THADA: variants seen among roughly 807,000 people sequenced by gnomAD.
THADA encodes THADA armadillo repeat containing, also known as tRNA (32-2'-O)-methyltransferase regulator THADA.
A neutral mutation model predicts 219.8 loss-of-function variants in THADA; 213 were observed. That is an observed-to-expected ratio of 0.97 (90% CI 0.87 to 1.09). The LOEUF is 1.09. THADA is among the 50% of genes least tolerant of loss of function. The pLI is 0.00. For synonymous variants in THADA, 1,018 were observed against 828.9 expected (o/e 1.23, Z -3.92); for missense variants, 2,956 against 2,311.3 (o/e 1.28, Z -5.72).
At chr2:43,545,497 C>A (rs1574185702) in intron 20 of THADA, among the ~76,000 whole-genome samples, 1 of 152,138 alleles carries the variant, frequency 6.6e-6, no homozygotes, top group Non-Finnish European at 1.5e-5. Context: ...GTGAATCCAT[C>A]TGGTCCTGGA....
intron 22 of THADA, among the ~76,000 whole-genome samples, chr2:43,511,972 C>T (rs909811644): frequency 3.3e-5 from 5 of 152,134 alleles, no homozygotes; most frequent in Non-Finnish European, 7.4e-5. Flanking sequence ...AGGCAATTCC[C>T]TAATTTAAAC....
intron 36 of THADA, among the ~76,000 whole-genome samples, chr2:43,268,298 A>G (rs1381974178): frequency 6.6e-6 from 1 of 152,196 alleles, no homozygotes; most frequent in Non-Finnish European, 1.5e-5. Context: ...TCATACAGAC[A>G]TTCACATCCA....
Position 43,541,222 on chromosome 2 carries a change from C to G in THADA, c.3201G>C (p.Leu1067Phe). The change falls in exon 21 of 38, where the codon TTG becomes TTC. Residue 1067 changes from leucine (L) to phenylalanine (F), a missense_variant. Leu to Phe is a conservative substitution (Grantham distance 22, BLOSUM62 0). Transcript: ENST00000405975. ...MKEVALLLGM[L>F]CQLLPMQPVP... ...CAGGCTGCATGGGCAGAAGCTGGCACAACATGCCTAAAAGTAAAGCAACTT... is the reference window on the plus strand; with the variant it reads ...CAGGCTGCATGGGCAGAAGCTGGCAGAACATGCCTAAAAGTAAAGCAACTT... 1 of 1,611,492 alleles carries G rather than the reference C, an allele frequency of 6.2e-7. No individual in the cohort carries two copies. The highest frequency in any genetic ancestry group is 8.5e-7 in the Non-Finnish European group (1 of 1,179,002).
At chr2:43,249,141 G>A (rs1399020732) in intron 36 of THADA, among the ~76,000 whole-genome samples, 1 of 151,900 alleles carries the variant, frequency 6.6e-6, no homozygotes, top group Non-Finnish European at 1.5e-5. Flanking sequence ...TGGGTGGAGT[G>A]CAGTGGTGCA....
chr2:43,520,711 TATACACACAC>T (rs1474436880), intron 22 of THADA, among the ~76,000 whole-genome samples: 1 of 131,366 alleles, frequency 7.6e-6, no homozygotes, highest in Non-Finnish European at 1.6e-5. Context: ...CGTATATATA[TATACACACAC>T]ACACACACAC....
intron 29 of THADA, among the ~76,000 whole-genome samples, chr2:43,382,431 T>C (rs1426027619): frequency 6.6e-6 from 1 of 152,190 alleles, no homozygotes; most frequent in Admixed American, 6.5e-5. Context: ...TCAGATTGCA[T>C]ACTGAAACAA....
chr2:43,493,044 G>C (rs1316799785), intron 25 of THADA, among the ~76,000 whole-genome samples: 1 of 152,160 alleles, frequency 6.6e-6, no homozygotes, highest in Non-Finnish European at 1.5e-5. Flanking sequence ...ATAATTATCA[G>C]AGGGCCTGGA....
At chr2:43,378,545 ACAAT>A (rs1487527943) in intron 29 of THADA, among the ~76,000 whole-genome samples, 7 of 152,254 alleles carry the variant, frequency 4.6e-5, no homozygotes, top group African/African-American at 1.7e-4. Flanking sequence ...CAAAGGAATG[ACAAT>A]CAAACTGATG....
intron 21 of THADA, among the ~76,000 whole-genome samples, chr2:43,531,646 A>C (rs540102954): frequency 2.6e-4 from 39 of 152,272 alleles, no homozygotes; most frequent in African/African-American, 9.1e-4. Context: ...CAAAATCAGA[A>C]ACAATTTCAA....
intron 36 of THADA, among the ~76,000 whole-genome samples, chr2:43,262,679 A>G (rs1240101333): frequency 6.6e-6 from 1 of 152,188 alleles, no homozygotes; most frequent in Non-Finnish European, 1.5e-5. Flanking sequence ...TTTCTATTTC[A>G]GTTATATTAG....
At chr2:43,475,153 A>C (rs1467737993) in intron 26 of THADA, among the ~76,000 whole-genome samples, 1 of 152,174 alleles carries the variant, frequency 6.6e-6, no homozygotes, top group Non-Finnish European at 1.5e-5. Flanking sequence ...ATGGTGGCTC[A>C]CACCTGTAAT....
At chr2:43,475,811 T>C (rs1461003460) in intron 26 of THADA, among the ~76,000 whole-genome samples, 1 of 152,216 alleles carries the variant, frequency 6.6e-6, no homozygotes, top group East Asian at 1.9e-4. Context: ...TTCACATCTT[T>C]TAATAATTAC....
intron 29 of THADA, among the ~76,000 whole-genome samples, chr2:43,357,912 A>T (rs976104793): frequency 6.6e-6 from 1 of 152,196 alleles, no homozygotes; most frequent in African/African-American, 2.4e-5. Flanking sequence ...ATTTTTTTCA[A>T]GTTTTGAAAT....
intron 36 of THADA, among the ~76,000 whole-genome samples, chr2:43,248,164 TAGAGAGAGAGAGAGAG>T (rs70963389): frequency 1.7e-3 from 69 of 40,888 alleles, no homozygotes; most frequent in African/African-American, 4.0e-3. Context: ...TATATATATA[TAGAGAGAGAGAGAGAG>T]AGAGAGAGAG....
chr2:43,422,987 CA>C (rs1291939520), intron 28 of THADA, among the ~76,000 whole-genome samples: 4 of 152,198 alleles, frequency 2.6e-5, no homozygotes, highest in African/African-American at 9.7e-5. Context: ...ATCAGACATA[CA>C]AAATGATGAC....
chr2:43,409,934 T>C (rs1043735683), intron 28 of THADA, among the ~76,000 whole-genome samples: 3 of 151,864 alleles, frequency 2.0e-5, no homozygotes, highest in Admixed American at 6.6e-5. Flanking sequence ...GGAGGATTGC[T>C]TGAGCCTAGG....
In THADA at chr2:43,232,863, C is replaced by A. The variant is rs1326322200; in HGVS notation, c.5316G>T (p.Val1772=). 2 of 1,610,596 alleles carry A rather than the reference C, an allele frequency of 1.2e-6. No homozygotes were observed. The highest frequency in any genetic ancestry group is 1.7e-5 in the Admixed American group (1 of 59,412). ...CCAGGGCCAGAGCGATGGAGGCATC[C>A]ACCTGGCAGAAGGCAAACTCTGCAA... ...CQSTEFAFCQ[V]DASIALALAL... is the part of the protein sequence containing the mutation. Residue 1772 remains valine (V), a synonymous_variant, in exon 37 of 38, where the codon GTG becomes GTT. Coordinates refer to ENST00000405975, the MANE Select transcript of THADA (RefSeq NM_022065.5).
At position 43,505,682 on chromosome 2, in the gene THADA, T is replaced by C; in HGVS notation, c.3561A>G (p.Thr1187=). 6.3e-7 allele frequency: 1 copy of C among 1,596,164 alleles called. No individual in the cohort carries two copies. The highest frequency in any genetic ancestry group is 8.5e-7 in the Non-Finnish European group (1 of 1,170,140). ...CAGCCAAAGAGATTAACTCTTTCATTGTTATTTTCAACAAATCCATTCTGC... is the reference window on the plus strand; with the variant it reads ...CAGCCAAAGAGATTAACTCTTTCATCGTTATTTTCAACAAATCCATTCTGC... ...KKGRMDLLKI[T]MKELISLAGP... Residue 1187 remains threonine (T), a synonymous_variant, in exon 24 of 38, where the codon ACA becomes ACG. Transcript: ENST00000405975.
intron 26 of THADA, among the ~76,000 whole-genome samples, chr2:43,470,472 GTTAC>G (rs1684782358): frequency 6.6e-6 from 1 of 152,064 alleles, no homozygotes; most frequent in Non-Finnish European, 1.5e-5. Context: ...TATAAGGAAT[GTTAC>G]TTAAGCACCT....
Sources: gnomAD v4.1 joint callset for allele counts (sites outside exome capture counted in the v4.1 genomes callset) on GRCh38, gnomAD v4.1.1 for gene constraint, MANE v1.5 for transcripts, NCBI Gene and HGNC (gene_info 2026-07-23, HGNC 2026-07-21) for gene names.